Variants in ARHGAP21 observed in about 807,000 individuals in gnomAD.
ARHGAP21 encodes rho GTPase-activating protein 21.
A neutral mutation model predicts 164.6 loss-of-function variants in ARHGAP21; 38 were observed. The observed-to-expected ratio is 0.23, with a 90% confidence interval of 0.18 to 0.30. The LOEUF (loss-of-function observed/expected upper bound fraction) is 0.30. ARHGAP21 is among the 10% of genes least tolerant of loss of function. ARHGAP21 has a pLI of 1.00. For synonymous variants in ARHGAP21, 766 were observed against 857.9 expected, an observed-to-expected ratio of 0.89 and a Z score of 1.87; for missense variants, 1,822 against 2,370.7, an observed-to-expected ratio of 0.77 and a Z score of 4.81.
intron 4 of ARHGAP21, among the ~76,000 whole-genome samples, chr10:24,649,962 AAACTT>A (rs138681925): frequency 0.033 from 4,959 of 152,224 alleles, 141 homozygotes; most frequent in African/African-American, 0.076. Flanking sequence ...TCAAACTTTA[AAACTT>A]AACTAAAAAG....
chr10:24,596,335 A>T, intron 17 of ARHGAP21: 1 of 432,214 alleles, frequency 2.3e-6, no homozygotes, highest in Non-Finnish European at 4.0e-6. Flanking sequence ...CTGAATAAAG[A>T]GTCAAGAAAA....
intron 2 of ARHGAP21, among the ~76,000 whole-genome samples, chr10:24,701,535 AAGC>A (rs1593337000): frequency 6.6e-6 from 1 of 152,222 alleles, no homozygotes; most frequent in East Asian, 1.9e-4. Context: ...AAAGAAAGCA[AAGC>A]AGCAGGCTAT....
Position 24,620,111 on chromosome 10 carries a change from G to A in ARHGAP21, c.1784C>T (p.Ser595Leu), listed in dbSNP as rs1434191914. ...KIPPDLKTLQ[S>L]NRNFQTTCGM... ...ACAAGTAGTCTGAAAATTTCTGTTTGACTGCAATGTTTTTAGATCTGGTGG... is the reference window on the plus strand; with the variant it reads ...ACAAGTAGTCTGAAAATTTCTGTTTAACTGCAATGTTTTTAGATCTGGTGG... Residue 595 changes from serine to leucine, a missense_variant, in exon 9 of 26, where the codon TCA becomes TTA. By Grantham distance (145) the Ser-to-Leu change is moderately radical. This residue lies in a region of ARHGAP21 where 1,090 missense variants were observed against 1,378.9 expected (regional missense o/e 0.79). Transcript: ENST00000396432. 1 of 1,613,806 alleles carries A rather than the reference G, an allele frequency of 6.2e-7. No homozygotes were observed. The highest frequency in any genetic ancestry group is 8.5e-7 in the Non-Finnish European group (1 of 1,179,872).
chr10:24,663,916 C>T (rs1411389267), intron 4 of ARHGAP21, among the ~76,000 whole-genome samples: 1 of 152,158 alleles, frequency 6.6e-6, no homozygotes, highest in Non-Finnish European at 1.5e-5. Flanking sequence ...AATATATACT[C>T]CCCCTCTCCC....
chr10:24,720,649 A>G (rs1487593209), intron 2 of ARHGAP21, among the ~76,000 whole-genome samples: 2 of 152,232 alleles, frequency 1.3e-5, no homozygotes, highest in Non-Finnish European at 2.9e-5. Flanking sequence ...GCATGAAGCA[A>G]GTTTCTCCGC....
intron 13 of ARHGAP21, among the ~76,000 whole-genome samples, chr10:24,601,571 A>G (rs1487345065): frequency 6.6e-6 from 1 of 152,166 alleles, no homozygotes; most frequent in African/African-American, 2.4e-5. Context: ...TTAAAATAAA[A>G]TGAAACAAAG....
rs2076298267 is a variant in ARHGAP21 at position 24,590,909 on chromosome 10, TTGTGATG to T, written c.4150+309_4150+315del. The T allele has an allele frequency of 3.1e-6, 3 of 981,534 alleles. No homozygotes were observed. In the African/African-American group the frequency reaches 5.3e-5, roughly 17 times the overall value. The allele number at this position is 981,534 out of a possible 1,614,324, so 60.8% of individuals were successfully genotyped here. ...CTCAGTAGCATATATCTGTTTTACC[TTGTGATG>T]ACTATTACATGGAAACTGTGAATTA... is the stretch of plus-strand genomic sequence containing the variant. On this transcript the variant is annotated intron_variant, in intron 24 of 25. Coordinates refer to ENST00000396432, the MANE Select transcript of ARHGAP21 (RefSeq NM_020824.4).
intron 2 of ARHGAP21, among the ~76,000 whole-genome samples, chr10:24,692,119 ATTG>A (rs1842804723): frequency 6.6e-6 from 1 of 152,182 alleles, no homozygotes; most frequent in African/African-American, 2.4e-5. Context: ...TGATGTTGGT[ATTG>A]TTGTTATTAC....
At chr10:24,635,389 T>C (rs1483219205) in intron 4 of ARHGAP21, among the ~76,000 whole-genome samples, 3 of 152,194 alleles carry the variant, frequency 2.0e-5, no homozygotes, top group African/African-American at 7.2e-5. Flanking sequence ...TCAGAGCTAA[T>C]TTCCACAGCA....
intron 4 of ARHGAP21, among the ~76,000 whole-genome samples, chr10:24,636,756 T>G (rs377272226): frequency 1.6e-4 from 24 of 152,344 alleles, no homozygotes; most frequent in African/African-American, 5.8e-4. Context: ...CAATGGGGCA[T>G]AGTAGAAATT....
rs559452842 is a variant in ARHGAP21, at chr10:24,683,501, T to G, written c.64-13104A>C. On this transcript the variant is annotated intron_variant, in intron 2 of 25. Transcript: ENST00000396432. Reference sequence around the variant, plus strand: ...TTATTTTCAAAGGTAAGTTTTTTGTTTTTTTTTTGAGACAGAGTCTCGCTC... The same window carrying G: ...TTATTTTCAAAGGTAAGTTTTTTGTGTTTTTTTTGAGACAGAGTCTCGCTC... Among the ~76,000 whole-genome samples, 18 of 151,754 alleles carry G rather than the reference T, an allele frequency of 1.2e-4. No individual in the cohort carries two copies. The South Asian group carries it at 3.1e-3, about 26-fold the overall frequency.
At chr10:24,636,267 A>G (rs987199742) in intron 4 of ARHGAP21, among the ~76,000 whole-genome samples, 8 of 152,212 alleles carry the variant, frequency 5.3e-5, no homozygotes. Context: ...CAGCATAAGT[A>G]TTGTGGGGGA....
intron 11 of ARHGAP21, 77 bp downstream of exon 11, chr10:24,607,422 T>G: frequency 8.3e-7 from 1 of 1,209,944 alleles, no homozygotes. Flanking sequence ...CATCATTAAA[T>G]TCTGAACTTA....
At chr10:24,638,588 T>C (rs552004933) in intron 4 of ARHGAP21, among the ~76,000 whole-genome samples, 13 of 152,370 alleles carry the variant, frequency 8.5e-5, no homozygotes, top group Admixed American at 3.3e-4. Flanking sequence ...CAGACCCAGA[T>C]GGCTTCCCTG....
At chr10:24,719,659 A>G (rs1298233309) in intron 2 of ARHGAP21, among the ~76,000 whole-genome samples, 5 of 152,250 alleles carry the variant, frequency 3.3e-5, no homozygotes, top group Non-Finnish European at 5.9e-5. Flanking sequence ...AAAGAGTGAT[A>G]GTACCACTGT....
chr10:24,620,915 G>A lies in ARHGAP21; in HGVS notation c.980C>T (p.Thr327Ile). 6.2e-7 allele frequency: 1 copy of A among 1,613,928 alleles called. No homozygotes were observed. The highest frequency in any genetic ancestry group is 8.5e-7 in the Non-Finnish European group (1 of 1,179,872). Residue 327 changes from threonine (T) to isoleucine (I), a missense_variant, in exon 9 of 26, where the codon ACT (threonine) becomes ATT (isoleucine). By Grantham distance (89) the Thr-to-Ile change is moderately conservative. Around this residue, in one of 5 missense-constraint regions of ARHGAP21, gnomAD observed 1,090 missense variants for 1,378.9 expected, o/e 0.79. Transcript: ENST00000396432. The stretch of plus-strand genomic sequence containing the variant: ...GCCTGCAGGCTGATGAATTAGATGA[G>A]TGGTGGGAATTGATAATGGTGGTGA... ...TTSPPLSIPTTHLIHQPAGSR... is the reference protein window; with the variant it reads ...TTSPPLSIPTIHLIHQPAGSR...
At chr10:24,688,423 A>G (rs1842416186) in intron 2 of ARHGAP21, among the ~76,000 whole-genome samples, 1 of 152,106 alleles carries the variant, frequency 6.6e-6, no homozygotes, top group Non-Finnish European at 1.5e-5. Context: ...GTTATTCACC[A>G]TTTTATAGAA....
At chr10:24,631,931 G>A (rs1163657846) in intron 6 of ARHGAP21, among the ~76,000 whole-genome samples, 1 of 151,992 alleles carries the variant, frequency 6.6e-6, no homozygotes, top group African/African-American at 2.4e-5. Flanking sequence ...ATGTTGCCCA[G>A]GCTGGTATCA....
At chr10:24,597,301 A>G (rs2076626590) in intron 16 of ARHGAP21, 146 bp downstream of exon 16, 1 of 1,045,586 alleles carries the variant, frequency 9.6e-7, no homozygotes, top group East Asian at 2.8e-5. Context: ...GGAAAGGCCC[A>G]ATGAGCCCAG....
Sources: allele counts gnomAD v4.1 joint callset (sites outside exome capture counted in the v4.1 genomes callset), GRCh38; gene constraint gnomAD v4.1.1; regional missense constraint gnomAD v4.1.1; transcripts MANE v1.5; gene names NCBI Gene and HGNC (gene_info 2026-07-23, HGNC 2026-07-21).